SGCD: variants seen among roughly 807,000 people sequenced by gnomAD.
SGCD encodes the protein sarcoglycan delta.
A neutral mutation model predicts 36.6 loss-of-function variants in SGCD; 18 were observed. The ratio of observed to expected loss-of-function variants is 0.49; its 90% confidence interval spans 0.34 to 0.73. SGCD has a LOEUF of 0.73. SGCD is among the 30% of genes least tolerant of loss of function. The probability of loss-of-function intolerance (pLI) is 0.01; values close to 1 mark genes in which losing one functional copy is unlikely to be tolerated. For missense variants in SGCD, 387 were observed against 346.7 expected (o/e 1.12, Z -0.92); for synonymous variants, 133 against 130.6 (o/e 1.02, Z -0.12).
intron 6 of SGCD, among the ~76,000 whole-genome samples, chr5:156,604,365 A>C (rs140630263): frequency 5.1e-4 from 77 of 152,040 alleles, no homozygotes; most frequent in African/African-American, 1.7e-3. Context: ...ATTTTAATTA[A>C]AGAATTTTAT....
chr5:156,734,359 AG>A (rs1561884268), intron 7 of SGCD, among the ~76,000 whole-genome samples: 4 of 150,880 alleles, frequency 2.7e-5, no homozygotes, highest in African/African-American at 9.8e-5. Context: ...TATGTGTCTT[AG>A]GGATGATTTT....
chr5:155,776,458 C>A, the SGCD span, among the ~76,000 whole-genome samples: 1 of 152,062 alleles, frequency 6.6e-6, no homozygotes, highest in African/African-American at 2.4e-5. Context: ...GAGACTGGCA[C>A]AAAACAGACA....
the SGCD span, among the ~76,000 whole-genome samples, chr5:155,753,321 G>A: frequency 7.6e-6 from 1 of 131,244 alleles, no homozygotes; most frequent in Non-Finnish European, 1.5e-5. Flanking sequence ...TGGTGACAGA[G>A]CGAGACTTTG....
At chr5:155,851,110 G>C in the SGCD span, among the ~76,000 whole-genome samples, 17 of 152,140 alleles carry the variant, frequency 1.1e-4, no homozygotes, top group African/African-American at 4.1e-4. Context: ...CTCTTTCTGA[G>C]AAATTTAATC....
chr5:156,099,904 C>A (rs1761480093), intron 1 of SGCD, among the ~76,000 whole-genome samples: 1 of 149,974 alleles, frequency 6.7e-6, no homozygotes, highest in Non-Finnish European at 1.5e-5. Context: ...TTAATATATG[C>A]AGTGAAAACA....
At chr5:156,058,153 C>CA (rs995541592) in intron 1 of SGCD, among the ~76,000 whole-genome samples, 15 of 145,574 alleles carry the variant, frequency 1.0e-4, no homozygotes, top group African/African-American at 3.5e-4. Context: ...TATTCCTACC[C>CA]AAAAAATCAA....
chr5:156,628,167 C>G (rs980936946), intron 6 of SGCD, among the ~76,000 whole-genome samples: 1 of 152,114 alleles, frequency 6.6e-6, no homozygotes, highest in African/African-American at 2.4e-5. Context: ...GACCAGATCT[C>G]ACAGGAACTC....
At chr5:156,372,278 AG>A (rs1461787825) in intron 3 of SGCD, among the ~76,000 whole-genome samples, 1 of 152,238 alleles carries the variant, frequency 6.6e-6, no homozygotes, top group African/African-American at 2.4e-5. Flanking sequence ...TATGTTTTAT[AG>A]CACCTTTATA....
At chr5:156,632,162 C>T (rs1257981694) in intron 6 of SGCD, among the ~76,000 whole-genome samples, 1 of 152,108 alleles carries the variant, frequency 6.6e-6, no homozygotes, top group Non-Finnish European at 1.5e-5. Context: ...TTCATTCAGG[C>T]AGCCATAGCA....
chr5:156,237,535 G>T (rs1765197412), intron 3 of SGCD, among the ~76,000 whole-genome samples: 1 of 152,148 alleles, frequency 6.6e-6, no homozygotes, highest in Non-Finnish European at 1.5e-5. Context: ...TGAGGTGGAT[G>T]AATCGGTTGA....
chr5:156,477,790 A>G (rs2127834885), intron 3 of SGCD, among the ~76,000 whole-genome samples: 1 of 152,116 alleles, frequency 6.6e-6, no homozygotes, highest in African/African-American at 2.4e-5. Flanking sequence ...TAAAATGGGC[A>G]GCTAAAATTT....
chr5:156,312,923 T>A (rs1462070278), intron 3 of SGCD, among the ~76,000 whole-genome samples: 1 of 152,148 alleles, frequency 6.6e-6, no homozygotes, highest in African/African-American at 2.4e-5. Flanking sequence ...GACTATTCGT[T>A]TATTTTTTAA....
intron 7 of SGCD, among the ~76,000 whole-genome samples, chr5:156,722,398 C>T (rs1228043376): frequency 2.6e-5 from 4 of 152,188 alleles, no homozygotes; most frequent in Non-Finnish European, 4.4e-5. Context: ...GCTGTGAATA[C>T]TCACACATTA....
rs181811132 is a variant in SGCD, at chr5:156,072,649, C to T, written c.-281-45229C>T. ...TTGAGGAGTATCTTTGTGGTGTTCT[C>T]TGTATTTCCTGAATCTGAATGTTGG... On this transcript the variant is annotated intron_variant, in intron 1 of 9. Coordinates refer to the SGCD transcript ENST00000517913. 1.8e-4 allele frequency among the ~76,000 whole-genome samples: 27 copies of T among 152,252 alleles called. No homozygotes were observed. In the East Asian group the frequency reaches 4.8e-3, roughly 27 times the overall value.
chr5:155,917,028 G>A (rs1756758717), intron 1 of SGCD, among the ~76,000 whole-genome samples: 1 of 152,146 alleles, frequency 6.6e-6, no homozygotes, highest in Non-Finnish European at 1.5e-5. Context: ...AAATACATCT[G>A]TAGAGCGTTT....
intron 3 of SGCD, among the ~76,000 whole-genome samples, chr5:156,457,366 A>G (rs1405794343): frequency 6.6e-6 from 1 of 152,208 alleles, no homozygotes; most frequent in Admixed American, 6.5e-5. Context: ...TGTTCACAGG[A>G]ATTTAAATTT....
At position 156,558,830 on chromosome 5, in the gene SGCD, A is replaced by C. The variant is rs189083402; in HGVS notation, c.295-30401A>C. On this transcript the variant is annotated intron_variant, in intron 4 of 8. Transcript: ENST00000337851. ...ATCATCCAGATCCCCAACGAATGTG[A>C]AAACACTGTTTCTGTCTGTACTTGC... 9.2e-5 allele frequency among the ~76,000 whole-genome samples: 14 copies of C among 152,326 alleles called. No individual in the cohort carries two copies. In the East Asian group the frequency reaches 2.7e-3, roughly 29 times the overall value.
intron 3 of SGCD, among the ~76,000 whole-genome samples, chr5:156,164,056 T>A (rs888285758): frequency 6.6e-5 from 10 of 151,160 alleles, no homozygotes; most frequent in African/African-American, 2.0e-4. Context: ...TCATTTTCAT[T>A]TTCTGCACGT....
At chr5:156,624,996 G>A (rs1206242358) in intron 6 of SGCD, among the ~76,000 whole-genome samples, 1 of 152,120 alleles carries the variant, frequency 6.6e-6, no homozygotes, top group Non-Finnish European at 1.5e-5. Context: ...CATCCTTAAA[G>A]GTACTCAGGA....
Sources: allele counts gnomAD v4.1 joint callset (sites outside exome capture counted in the v4.1 genomes callset), GRCh38; gene constraint gnomAD v4.1.1; transcripts MANE v1.5; gene names NCBI Gene and HGNC (gene_info 2026-07-23, HGNC 2026-07-21).